INPP5F: variants seen among roughly 807,000 people sequenced by gnomAD.
INPP5F encodes the protein inositol polyphosphate-5-phosphatase F.
Under a neutral mutation model 137.2 loss-of-function variants are expected in INPP5F, and 97 were observed. The ratio of observed to expected loss-of-function variants is 0.71; its 90% CI spans 0.60 to 0.84. The LOEUF (loss-of-function observed/expected upper bound fraction) is 0.84, where lower values mean the gene tolerates loss of function less well. Ranked by LOEUF, INPP5F falls within the 40% of genes least tolerant of loss-of-function variation. The pLI is 0.00. For synonymous variants in INPP5F, 504 were observed against 476.9 expected (o/e 1.06, Z -0.74); for missense variants, 1,271 against 1,371.9 (o/e 0.93, Z 1.16).
intron 13 of INPP5F, among the ~76,000 whole-genome samples, chr10:119,809,259 G>A (rs1489478564): frequency 8.1e-5 from 12 of 148,358 alleles, no homozygotes; most frequent in Non-Finnish European, 1.6e-4. Context: ...CCTGGTTCAA[G>A]TTAGTGATTA....
intron 3 of INPP5F, among the ~76,000 whole-genome samples, chr10:119,784,558 C>CCTAA (rs1849813457): frequency 6.6e-6 from 1 of 152,168 alleles, no homozygotes; most frequent in African/African-American, 2.4e-5. Context: ...TTTGCTAAAG[C>CCTAA]CTAAGTCTGT....
chr10:119,798,415 G>A (rs1372920142), intron 8 of INPP5F, 128 bp from the exon 9 acceptor site: 2 of 601,730 alleles, frequency 3.3e-6, no homozygotes, highest in Non-Finnish European at 5.7e-6. Context: ...TTTAAATGAT[G>A]GTTTTAGACA....
intron 12 of INPP5F, among the ~76,000 whole-genome samples, chr10:119,807,585 G>T (rs977011732): frequency 6.6e-6 from 1 of 152,136 alleles, no homozygotes; most frequent in Non-Finnish European, 1.5e-5. Flanking sequence ...CATTTACTAG[G>T]CACTTAACTA....
chr10:119,750,742 T>C (rs1284801602), intron 1 of INPP5F, among the ~76,000 whole-genome samples: 5 of 152,218 alleles, frequency 3.3e-5, no homozygotes, highest in Admixed American at 3.3e-4. Flanking sequence ...TCCTGTGCTG[T>C]AGGACCACAC....
In INPP5F at chr10:119,758,825, T is replaced by C. The variant is rs368030694; in HGVS notation, c.178+7669T>C. ...CTCGCCATCTGCTGTTCCTCCACTT[T>C]TGTAGTGGTGACGATGTCTCAGTCA... On this transcript the variant is annotated intron_variant, in intron 2 of 19. Transcript: ENST00000650623. Among the ~76,000 whole-genome samples, 39 of 152,334 alleles carry C rather than the reference T, an allele frequency of 2.6e-4. 2 individuals carry two copies. Among genetic ancestry groups the C allele is most frequent in the African/African-American group, 9.1e-4 (38 of 41,580 alleles).
Position 119,822,514 on chromosome 10 carries a change from A to T in INPP5F, c.2032+10A>T, listed in dbSNP as rs1368031647. Reference sequence around the variant, plus strand: ...GAAAAAATTGAAATAGGTAAGTTTTAACATACTAATCAAGTCATCAAAAGC... The same window carrying T: ...GAAAAAATTGAAATAGGTAAGTTTTTACATACTAATCAAGTCATCAAAAGC... On this transcript the variant is annotated intron_variant, in intron 17 of 19. Transcript: ENST00000650623. The T allele has an allele frequency of 7.5e-7, 1 of 1,326,554 alleles. No individual in the cohort carries two copies. The highest frequency in any genetic ancestry group is 1.1e-6 in the Non-Finnish European group (1 of 940,760). 82.2% of individuals were successfully genotyped at this position (1,326,554 alleles called of 1,614,324 possible). A position where few individuals can be genotyped will look rare whatever the true frequency, so the allele number is the denominator to read the frequency against.
At chr10:119,766,803 T>TA (rs1230360153) in intron 2 of INPP5F, among the ~76,000 whole-genome samples, 3 of 151,928 alleles carry the variant, frequency 2.0e-5, no homozygotes, top group Non-Finnish European at 2.9e-5. Context: ...GTCTCTGCAT[T>TA]AAAAGAAATA....
In INPP5F at chr10:119,829,145, T is replaced by C. The variant is rs1454970197; in HGVS notation, c.*1365T>C. The C allele has an allele frequency of 6.6e-6, 1 of 152,636 alleles. No homozygotes were observed. Among genetic ancestry groups the C allele is most frequent in the African/African-American group, 2.4e-5 (1 of 41,444 alleles). The allele number at this position is 152,636 out of a possible 1,614,324, so 9.5% of individuals were successfully genotyped here. A position where few individuals can be genotyped will look rare whatever the true frequency, so the allele number is the denominator to read the frequency against. On this transcript the variant is annotated 3_prime_UTR_variant, in exon 20 of 20. Coordinates refer to ENST00000650623, the MANE Select transcript of INPP5F (RefSeq NM_014937.4). ...AATAAAGTACCATTGTAATTTAAAG[T>C]GACAAATGGGTATGAGAATTCCTTG...
At chr10:119,798,035 T>G (rs1589727717) in intron 8 of INPP5F, among the ~76,000 whole-genome samples, 1 of 64,670 alleles carries the variant, frequency 1.5e-5, no homozygotes, top group Non-Finnish European at 4.1e-5. Context: ...TCTGTGAAAG[T>G]TTTTTTTTTT....
chr10:119,735,498 A>G (rs567288935), intron 1 of INPP5F, among the ~76,000 whole-genome samples: 2 of 152,356 alleles, frequency 1.3e-5, no homozygotes, highest in South Asian at 4.1e-4. Flanking sequence ...GAAATTTAAA[A>G]CATGCCATCA....
chr10:119,784,173 A>C (rs1849799703), intron 3 of INPP5F, among the ~76,000 whole-genome samples: 2 of 152,222 alleles, frequency 1.3e-5, no homozygotes, highest in Admixed American at 1.3e-4. Flanking sequence ...AATTTAAAAG[A>C]GTTTTTAGAA....
chr10:119,827,451 C>G lies in INPP5F; in HGVS notation c.3070C>G (p.Gln1024Glu), dbSNP rs1851813693. 6.2e-7 allele frequency: 1 copy of G among 1,614,206 alleles called. No individual in the cohort carries two copies. Among genetic ancestry groups the G allele is most frequent in the Non-Finnish European group, 8.5e-7 (1 of 1,180,022 alleles). Reference protein sequence around the residue: ...LDVSLSATGPQFLSVEPAHSV... With the variant: ...LDVSLSATGPEFLSVEPAHSV... ...TGTCTCTCTTTCTGCAACAGGCCCA[C>G]AGTTTTTGTCAGTTGAGCCAGCGCA... The change falls in exon 20 of 20, where the codon CAG becomes GAG. Residue 1024 changes from glutamine to glutamate, a missense_variant. This residue lies in a region of INPP5F where 490 missense variants were observed against 443.7 expected (regional missense o/e 1.10). Coordinates refer to ENST00000650623, the MANE Select transcript of INPP5F (RefSeq NM_014937.4).
intron 1 of INPP5F, among the ~76,000 whole-genome samples, chr10:119,740,734 G>C (rs1848349077): frequency 6.6e-6 from 1 of 152,036 alleles, no homozygotes; most frequent in Non-Finnish European, 1.5e-5. Context: ...GTAGAGACAG[G>C]GTTTCACCAT....
Position 119,761,984 on chromosome 10 carries a change from C to CA in INPP5F, c.178+10832dup, listed in dbSNP as rs142285125. On this transcript the variant is annotated intron_variant, in intron 2 of 19. Transcript: ENST00000650623. ...TGGTTCCAGGACCACCCACGTATAC[C>CA]AAAATCCATGCATGCTCAAGTCTCG... 7.1e-3 allele frequency among the ~76,000 whole-genome samples: 1,076 copies of CA among 152,234 alleles called. 10 individuals are homozygous for CA. Among genetic ancestry groups the CA allele is most frequent in the African/African-American group, 0.025 (1,031 of 41,540 alleles).
rs71019717 is a variant in INPP5F at position 119,785,286 on chromosome 10, G to GTTTTTTTTTTTTTTTTTTTTTTTTT, written c.315+3531_315+3532insTTTTTTTTTTTTTTTTTTTTTTTTT. ...TAACCTTTTGTGGAACTGCCAGACT[G>GTTTTTTTTTTTTTTTTTTTTTTTTT]TTTTTTTTTTTTTTTTGGAGACGGA... On this transcript the variant is annotated intron_variant, in intron 3 of 19. Transcript: ENST00000650623. 2.5e-4 allele frequency among the ~76,000 whole-genome samples: 27 copies of GTTTTTTTTTTTTTTTTTTTTTTTTT among 106,232 alleles called. 2 individuals are homozygous for GTTTTTTTTTTTTTTTTTTTTTTTTT. The highest frequency in any genetic ancestry group is 9.0e-4 in the South Asian group (2 of 2,228). The allele number at this position is 106,232 out of a possible 152,430, so 69.7% of individuals were successfully genotyped here.
Position 119,827,953 on chromosome 10 carries a change from A to G in INPP5F, c.*173A>G. On this transcript the variant is annotated 3_prime_UTR_variant, in exon 20 of 20. Transcript: ENST00000650623. Reference sequence around the variant, plus strand: ...ATTTCCAAATTTTACAGCCAGGACTACAGAAGTGCATCATTCTAGAATGTG... The same window carrying G: ...ATTTCCAAATTTTACAGCCAGGACTGCAGAAGTGCATCATTCTAGAATGTG... The G allele has an allele frequency of 1.7e-6, 1 of 574,174 alleles. No individual in the cohort carries two copies. Among genetic ancestry groups the G allele is most frequent in the Non-Finnish European group, 3.1e-6 (1 of 325,382 alleles). The allele number at this position is 574,174 out of a possible 1,614,324, so 35.6% of individuals were successfully genotyped here.
chr10:119,796,753 A>G lies in INPP5F; in HGVS notation c.708A>G (p.Gln236=). The change falls in exon 7 of 20, where the codon CAA becomes CAG. Residue 236 remains glutamine, a synonymous_variant. Coordinates refer to ENST00000650623, the MANE Select transcript of INPP5F (RefSeq NM_014937.4). ...DVDFWIIPMI[Q]GFVQIEELVV... The stretch of plus-strand genomic sequence containing the variant: ...ACTTTTGGATTATCCCCATGATCCA[A>G]GGTTTTGTGCAGATTGAAGAACTTG... 6.2e-7 allele frequency: 1 copy of G among 1,613,972 alleles called. No homozygotes were observed. The highest frequency in any genetic ancestry group is 1.1e-5 in the South Asian group (1 of 91,004).
At chr10:119,771,761 A>C (rs116410819) in intron 2 of INPP5F, among the ~76,000 whole-genome samples, 1,724 of 148,616 alleles carry the variant, frequency 0.012, 31 homozygotes, top group African/African-American at 0.04. Flanking sequence ...AGTCTGATAC[A>C]AAGTGATCTT....
At chr10:119,819,348 G>A (rs886416580) in intron 15 of INPP5F, 18 of 1,189,046 alleles carry the variant, frequency 1.5e-5, no homozygotes, top group Non-Finnish European at 1.7e-5. Flanking sequence ...TGCCTGTTAC[G>A]TGCCAAGTGC....
Sources: allele counts gnomAD v4.1 joint callset (sites outside exome capture counted in the v4.1 genomes callset), GRCh38; gene constraint gnomAD v4.1.1; regional missense constraint gnomAD v4.1.1; transcripts MANE v1.5; gene names NCBI Gene and HGNC (gene_info 2026-07-23, HGNC 2026-07-21).